The following ACKR2 variants were observed in gnomAD, a reference collection of about 807,000 sequenced individuals.
The protein encoded by ACKR2 is atypical chemokine receptor 2, also known as C-C chemokine receptor D6.
For missense variants in ACKR2, 457 were observed against 477.3 expected (o/e 0.96, Z 0.40); for synonymous variants, 207 against 192.2 (o/e 1.08, Z -0.64).
chr3:42,829,425 A>T (rs1366397560), intron 2 of ACKR2, among the ~76,000 whole-genome samples: 1 of 152,154 alleles, frequency 6.6e-6, no homozygotes, highest in Non-Finnish European at 1.5e-5. Flanking sequence ...AAGGGAGAAA[A>T]TGGGAGTGGT....
intron 2 of ACKR2, among the ~76,000 whole-genome samples, chr3:42,827,507 A>G (rs527520216): frequency 6.6e-6 from 1 of 152,310 alleles, no homozygotes; most frequent in Non-Finnish European, 1.5e-5. Context: ...ACTTTAAAGC[A>G]TGTCATCGAA....
At chr3:42,827,908 G>T (rs975413759) in intron 2 of ACKR2, among the ~76,000 whole-genome samples, 5 of 151,818 alleles carry the variant, frequency 3.3e-5, no homozygotes, top group African/African-American at 1.2e-4. Flanking sequence ...TGCTAACTTT[G>T]GGCAGAGCAA....
At chr3:42,810,696 C>A (rs970268573) in intron 1 of ACKR2, among the ~76,000 whole-genome samples, 4 of 152,202 alleles carry the variant, frequency 2.6e-5, no homozygotes, top group Admixed American at 1.3e-4. Context: ...GCAAGACTTG[C>A]GTCAAAAATA....
intron 2 of ACKR2, among the ~76,000 whole-genome samples, chr3:42,830,067 AATACC>A (rs1001906682): frequency 6.6e-4 from 101 of 152,258 alleles, no homozygotes; most frequent in Admixed American, 1.4e-3. Context: ...CCCTCTTTCA[AATACC>A]CCTTATAACA....
At chr3:42,825,579 G>GTA (rs1179005616) in intron 2 of ACKR2, among the ~76,000 whole-genome samples, 1 of 142,454 alleles carries the variant, frequency 7.0e-6, no homozygotes, top group Admixed American at 8.5e-5. Context: ...TAGCTCTGAT[G>GTA]TGTGTGTGTG....
At chr3:42,832,508 A>G (rs929691784) in intron 2 of ACKR2, among the ~76,000 whole-genome samples, 4 of 148,610 alleles carry the variant, frequency 2.7e-5, no homozygotes, top group African/African-American at 9.9e-5. Context: ...AAAAAAGAAT[A>G]AAAAAAAAAG....
At chr3:42,830,013 A>G (rs1271064909) in intron 2 of ACKR2, among the ~76,000 whole-genome samples, 1 of 152,212 alleles carries the variant, frequency 6.6e-6, no homozygotes, top group Non-Finnish European at 1.5e-5. Flanking sequence ...TCTTTCATAG[A>G]TGTCTAATAT....
chr3:42,840,315 C>G (rs1326833483), intron 2 of ACKR2, among the ~76,000 whole-genome samples: 2 of 145,344 alleles, frequency 1.4e-5, no homozygotes, highest in African/African-American at 2.5e-5. Context: ...CAAGAAGAGT[C>G]TGAGGCCAGA....
chr3:42,840,426 C>A (rs1277846677), intron 2 of ACKR2, among the ~76,000 whole-genome samples: 1 of 152,112 alleles, frequency 6.6e-6, no homozygotes, highest in Non-Finnish European at 1.5e-5. Context: ...TGGACCCTAT[C>A]CCAGCTGAGG....
chr3:42,823,966 A>T (rs1700836313), intron 2 of ACKR2, among the ~76,000 whole-genome samples: 1 of 152,168 alleles, frequency 6.6e-6, no homozygotes, highest in African/African-American at 2.4e-5. Flanking sequence ...ACCTCATGTG[A>T]TAGGTTGCAG....
intron 2 of ACKR2, among the ~76,000 whole-genome samples, chr3:42,838,941 A>G (rs927014769): frequency 2.0e-5 from 3 of 152,216 alleles, no homozygotes; most frequent in African/African-American, 7.2e-5. Flanking sequence ...AACATACCCA[A>G]CAGAAAAGAC....
At chr3:42,861,083 T>C (rs905842329) in intron 2 of ACKR2, among the ~76,000 whole-genome samples, 11 of 152,234 alleles carry the variant, frequency 7.2e-5, no homozygotes, top group African/African-American at 2.4e-4. Flanking sequence ...AGCTGGTTTT[T>C]TGAAAAGATC....
At chr3:42,815,043 G>A (rs1204201586) in intron 1 of ACKR2, among the ~76,000 whole-genome samples, 1 of 152,208 alleles carries the variant, frequency 6.6e-6, no homozygotes, top group African/African-American at 2.4e-5. Context: ...AGCAGAGTCA[G>A]AGAGAATAAT....
intron 2 of ACKR2, among the ~76,000 whole-genome samples, chr3:42,832,347 G>C (rs1467258353): frequency 6.6e-6 from 1 of 151,914 alleles, no homozygotes; most frequent in East Asian, 1.9e-4. Context: ...AAATTGGCTG[G>C]GTATAGTGGT....
At chr3:42,851,239 G>A (rs1035525412) in intron 2 of ACKR2, 7 of 371,178 alleles carry the variant, frequency 1.9e-5, no homozygotes, top group African/African-American at 1.5e-4. Flanking sequence ...AATAGCTCAT[G>A]GCTATGCAGC....
chr3:42,844,345 C>T (rs774419483), intron 2 of ACKR2, among the ~76,000 whole-genome samples: 3 of 151,952 alleles, frequency 2.0e-5, no homozygotes, highest in African/African-American at 7.3e-5. Flanking sequence ...AGGAGAAACT[C>T]GGGGAGACAG....
chr3:42,819,951 G>A (rs1035645141), intron 2 of ACKR2, among the ~76,000 whole-genome samples: 19 of 152,122 alleles, frequency 1.2e-4, no homozygotes, highest in African/African-American at 4.6e-4. Context: ...TGCTAATTCT[G>A]TGAGAATGAG....
At chr3:42,842,527 C>T (rs1042401156) in intron 2 of ACKR2, among the ~76,000 whole-genome samples, 1 of 152,090 alleles carries the variant, frequency 6.6e-6, no homozygotes, top group Non-Finnish European at 1.5e-5. Flanking sequence ...TTCAAAGTTC[C>T]TCTGGCTCAG....
chr3:42,811,286 G>A (rs1700691721), intron 1 of ACKR2, among the ~76,000 whole-genome samples: 1 of 152,190 alleles, frequency 6.6e-6, no homozygotes, highest in Admixed American at 6.5e-5. Context: ...AAATTGTTTT[G>A]CCTTGAGATG....
Sources: allele counts gnomAD v4.1 joint callset (sites outside exome capture counted in the v4.1 genomes callset), GRCh38; gene constraint gnomAD v4.1.1; transcripts MANE v1.5; gene names NCBI Gene and HGNC (gene_info 2026-07-23, HGNC 2026-07-21).